The following SEPTIN7 variants were observed in gnomAD, a reference collection of about 807,000 sequenced individuals.
The protein encoded by SEPTIN7 is septin-7.
Under a neutral mutation model 63.3 loss-of-function variants are expected in SEPTIN7, and 10 were observed. That is an observed-to-expected ratio of 0.16 (90% CI 0.10 to 0.27). The LOEUF is 0.27. Among genes scored for constraint, SEPTIN7 ranks in the 10% least tolerant of loss-of-function variants. The probability of loss-of-function intolerance (pLI) is 1.00; values close to 1 mark genes in which losing one functional copy is unlikely to be tolerated. For synonymous variants in SEPTIN7, 131 were observed against 165.3 expected, an observed-to-expected ratio of 0.79 and a Z score of 1.59; for missense variants, 310 against 521.0, an observed-to-expected ratio of 0.59 and a Z score of 3.94.
chr7:35,815,642 G>A (rs1037327278), intron 1 of SEPTIN7, among the ~76,000 whole-genome samples: 4 of 152,136 alleles, frequency 2.6e-5, no homozygotes, highest in African/African-American at 4.8e-5. Flanking sequence ...TTAGCCTTAT[G>A]CAGTACCAAT....
chr7:35,870,261 T>C (rs1035338259), intron 4 of SEPTIN7, among the ~76,000 whole-genome samples: 1 of 152,218 alleles, frequency 6.6e-6, no homozygotes, highest in Non-Finnish European at 1.5e-5. Context: ...AGCAAGTCAA[T>C]AAGTAATTAA....
chr7:35,836,640 T>G (rs866443032), intron 3 of SEPTIN7, among the ~76,000 whole-genome samples: 4 of 152,132 alleles, frequency 2.6e-5, no homozygotes, highest in African/African-American at 9.7e-5. Flanking sequence ...GGTATATGCC[T>G]TATCAGAGAA....
At chr7:35,826,605 C>G (rs1177973255) in intron 1 of SEPTIN7, among the ~76,000 whole-genome samples, 8 of 151,846 alleles carry the variant, frequency 5.3e-5, no homozygotes, top group African/African-American at 1.9e-4. Flanking sequence ...TATTAAACAT[C>G]TCATTTTGTA....
chr7:35,844,889 C>T (rs910211504), intron 3 of SEPTIN7, among the ~76,000 whole-genome samples: 1 of 152,122 alleles, frequency 6.6e-6, no homozygotes, highest in Non-Finnish European at 1.5e-5. Flanking sequence ...TTGCTCCAAA[C>T]CTTACCTTGT....
intron 3 of SEPTIN7, among the ~76,000 whole-genome samples, chr7:35,844,741 T>C (rs1385451350): frequency 6.6e-6 from 1 of 152,180 alleles, no homozygotes; most frequent in African/African-American, 2.4e-5. Context: ...TAGCTGGGAC[T>C]ACAGGCGTGC....
At chr7:35,860,081 A>AT (rs1242823399) in intron 3 of SEPTIN7, among the ~76,000 whole-genome samples, 2 of 143,904 alleles carry the variant, frequency 1.4e-5, no homozygotes, top group African/African-American at 5.1e-5. Context: ...TGTTTACTTG[A>AT]TTTTTTGTAG....
rs1476168814 is a variant in SEPTIN7 at position 35,907,070 on chromosome 7, A to C, written c.*2777A>C. 6.6e-6 allele frequency: 1 copy of C among 152,242 alleles called. No homozygotes were observed. Among genetic ancestry groups the C allele is most frequent in the East Asian group, 1.9e-4 (1 of 5,202 alleles). 9.4% of individuals were successfully genotyped at this position (152,242 alleles called of 1,614,324 possible). ...ACACTAATGTGAACATTATGGAACA[A>C]AATTTGAAAGAGTGAAATAAAAGGT... On this transcript the variant is annotated 3_prime_UTR_variant, in exon 14 of 14. Coordinates refer to ENST00000350320, the MANE Select transcript of SEPTIN7 (RefSeq NM_001788.6).
At chr7:35,909,703 G>A (rs762337129), downstream of SEPTIN7, among the ~76,000 whole-genome samples, 4 of 152,204 alleles carry the variant, frequency 2.6e-5, no homozygotes, top group African/African-American at 4.8e-5. Flanking sequence ...GAGCTCCTGA[G>A]AAGGTTATGA....
At chr7:35,913,508 ATTCCTTCCTTCCTTCTTTCT>A in the SEPTIN7 span, among the ~76,000 whole-genome samples, 2 of 82,018 alleles carry the variant, frequency 2.4e-5, no homozygotes, top group South Asian at 3.6e-4. Context: ...CCTTCCCTTC[ATTCCTTCCTTCCTTCTTTCT>A]TTCCTTCCTT....
chr7:35,829,428 TCCCCACTTTAGGGCCTA>T (rs1783709494), intron 1 of SEPTIN7, among the ~76,000 whole-genome samples: 1 of 152,102 alleles, frequency 6.6e-6, no homozygotes, highest in African/African-American at 2.4e-5. Context: ...ACCAAGTTCA[TCCCCACTTTAGGGCCTA>T]CCCCTTTGCC....
Position 35,904,533 on chromosome 7 carries a change from A to G in SEPTIN7, c.*240A>G. 2 of 333,444 alleles carry G rather than the reference A, an allele frequency of 6.0e-6. No homozygotes were observed. Among genetic ancestry groups the G allele is most frequent in the Non-Finnish European group, 1.1e-5 (2 of 184,468 alleles). 20.7% of individuals were successfully genotyped at this position (333,444 alleles called of 1,614,324 possible). Reference sequence around the variant, plus strand: ...TACCTTTCCTACATTTTCTTTTTTTATTAAACAGATATCTTCAGTTTAATG... The same window carrying G: ...TACCTTTCCTACATTTTCTTTTTTTGTTAAACAGATATCTTCAGTTTAATG... On this transcript the variant is annotated 3_prime_UTR_variant, in exon 14 of 14. Transcript: ENST00000350320.
intron 12 of SEPTIN7, chr7:35,900,448 G>A (rs1656040022): frequency 6.6e-6 from 1 of 152,166 alleles, no homozygotes; most frequent in Non-Finnish European, 1.5e-5. Context: ...AGCTATTGCT[G>A]TTGTATTATA....
chr7:35,853,001 TA>T (rs1201458059), intron 3 of SEPTIN7, among the ~76,000 whole-genome samples: 2 of 152,140 alleles, frequency 1.3e-5, no homozygotes, highest in African/African-American at 2.4e-5. Context: ...AATTTGATAC[TA>T]GGGGTATCAA....
chr7:35,861,851 G>C (rs1247085366), intron 3 of SEPTIN7, among the ~76,000 whole-genome samples: 1 of 152,190 alleles, frequency 6.6e-6, no homozygotes, highest in Non-Finnish European at 1.5e-5. Context: ...CTGCCTCCTT[G>C]AGACCCAGAT....
At chr7:35,828,777 A>G in intron 1 of SEPTIN7, among the ~76,000 whole-genome samples, 1 of 151,030 alleles carries the variant, frequency 6.6e-6, no homozygotes, top group East Asian at 2.0e-4. Flanking sequence ...GCACCAACCA[A>G]CCATGAAATT....
intron 1 of SEPTIN7, among the ~76,000 whole-genome samples, chr7:35,802,534 A>G (rs569954837): frequency 6.6e-6 from 1 of 152,384 alleles, no homozygotes; most frequent in East Asian, 1.9e-4. Flanking sequence ...CTGAGAATGT[A>G]AATGAACAGA....
Position 35,904,439 on chromosome 7 carries a change from T to C in SEPTIN7, c.*146T>C. 1 of 555,384 alleles carries C rather than the reference T, an allele frequency of 1.8e-6. No individual in the cohort carries two copies. The highest frequency in any genetic ancestry group is 3.3e-5 in the East Asian group (1 of 30,642). The allele number at this position is 555,384 out of a possible 1,614,324, so 34.4% of individuals were successfully genotyped here. On this transcript the variant is annotated 3_prime_UTR_variant, in exon 14 of 14. Transcript: ENST00000350320. ...ATGACAAAAATTATTTTTTTTTTTG[T>C]TCTTGATGGAGATTAAGATGCCTTG...
At chr7:35,854,619 G>A (rs1235109137) in intron 3 of SEPTIN7, among the ~76,000 whole-genome samples, 1 of 152,184 alleles carries the variant, frequency 6.6e-6, no homozygotes, top group Non-Finnish European at 1.5e-5. Flanking sequence ...TGTGCCTGAT[G>A]CCTGCCTCTC....
chr7:35,862,930 C>T (rs530418055), intron 3 of SEPTIN7, among the ~76,000 whole-genome samples: 1 of 152,066 alleles, frequency 6.6e-6, no homozygotes, highest in Non-Finnish European at 1.5e-5. Flanking sequence ...GAGTACAAAT[C>T]ATGCCCTAGC....
Sources: gnomAD v4.1 joint callset for allele counts (sites outside exome capture counted in the v4.1 genomes callset) on GRCh38, gnomAD v4.1.1 for gene constraint, MANE v1.5 for transcripts, NCBI Gene and HGNC (gene_info 2026-07-23, HGNC 2026-07-21) for gene names.